The following CPS1 variants were observed in gnomAD, a reference collection of about 807,000 sequenced individuals.
The protein encoded by CPS1 is carbamoyl-phosphate synthase [ammonia], mitochondrial.
CPS1 carries 109 observed loss-of-function variants against 174.6 expected under a neutral mutation model. The observed-to-expected ratio is 0.62, with a 90% CI of 0.53 to 0.73. CPS1 has a LOEUF of 0.73. Among genes scored for constraint, CPS1 ranks in the 30% least tolerant of loss-of-function variants. The pLI is 0.00. For missense variants in CPS1, 1,689 were observed against 1,821.9 expected, an observed-to-expected ratio of 0.93 and a Z score of 1.33; for synonymous variants, 637 against 632.0, an observed-to-expected ratio of 1.01 and a Z score of -0.12.
At chr2:210,541,812 A>T (rs1218762860) in intron 1 of CPS1, among the ~76,000 whole-genome samples, 1 of 152,160 alleles carries the variant, frequency 6.6e-6, no homozygotes, top group African/African-American at 2.4e-5. Context: ...TTTTACAAAG[A>T]TAATTCATGT....
At chr2:210,602,584 A>G (rs1698766153) in intron 16 of CPS1, among the ~76,000 whole-genome samples, 1 of 151,970 alleles carries the variant, frequency 6.6e-6, no homozygotes, top group Non-Finnish European at 1.5e-5. Context: ...CCACTTTTAT[A>G]GTACAATCTA....
Position 210,599,507 on chromosome 2 carries a change from G to C in CPS1, c.1495G>C (p.Glu499Gln), listed in dbSNP as rs749419701. The change falls in exon 14 of 38, where the codon GAA becomes CAA. Residue 499 changes from glutamate (E) to glutamine (Q), a missense_variant. By Grantham distance (29) the Glu-to-Gln change is conservative (BLOSUM62 2). Coordinates refer to ENST00000233072, the MANE Select transcript of CPS1 (RefSeq NM_001875.5). ...PQFVTEVIKA[E>Q]QPDGLILGMG... ...GTTTGTCACAGAGGTCATCAAGGCA[G>C]AACAGCCAGATGGGTTAATTCTGGG... 1 of 1,612,586 alleles carries C rather than the reference G, an allele frequency of 6.2e-7. No homozygotes were observed. Among genetic ancestry groups the C allele is most frequent in the Non-Finnish European group, 8.5e-7 (1 of 1,179,066 alleles).
At chr2:210,495,667 T>G (rs781539275) in intron 1 of CPS1, among the ~76,000 whole-genome samples, 2 of 152,210 alleles carry the variant, frequency 1.3e-5, no homozygotes, top group African/African-American at 2.4e-5. Context: ...TGTTTCTGTC[T>G]TGCATATTTA....
intron 5 of CPS1, 99 bp downstream of exon 5, chr2:210,579,869 T>A (rs960935095): frequency 4.5e-5 from 43 of 958,326 alleles, no homozygotes; most frequent in Non-Finnish European, 6.9e-5. Flanking sequence ...TCCATTAATA[T>A]GTAAAGGAGT....
chr2:210,619,426 CT>C (rs1297165825), intron 21 of CPS1: 1 of 151,880 alleles, frequency 6.6e-6, no homozygotes, highest in Non-Finnish European at 1.5e-5. Context: ...CTCTTTTCCC[CT>C]GAAAATAAAA....
chr2:210,489,930 G>A (rs6726289), intron 1 of CPS1, among the ~76,000 whole-genome samples: 31,402 of 149,848 alleles, frequency 0.21, 3,923 homozygotes, highest in African/African-American at 0.33. Flanking sequence ...CCCGGGAGGC[G>A]GAGCTTGCAG....
chr2:210,535,882 C>T (rs1053005107), intron 1 of CPS1, among the ~76,000 whole-genome samples: 18 of 132,366 alleles, frequency 1.4e-4, no homozygotes, highest in African/African-American at 4.5e-4. Context: ...TAAAGTTCTA[C>T]GCAGCATAAC....
At chr2:210,645,899 A>T (rs1389761287) in intron 25 of CPS1, among the ~76,000 whole-genome samples, 1 of 152,214 alleles carries the variant, frequency 6.6e-6, no homozygotes, top group Non-Finnish European at 1.5e-5. Context: ...GTCAAAACAG[A>T]TAGTCCAGGA....
chr2:210,559,937 T>A (rs904171586), intron 1 of CPS1, among the ~76,000 whole-genome samples: 1 of 152,098 alleles, frequency 6.6e-6, no homozygotes, highest in South Asian at 2.1e-4. Flanking sequence ...TAAAAAAAAA[T>A]TCCATTCTAT....
chr2:210,579,603 G>T (rs1684252201), intron 4 of CPS1, 111 bp from the exon 5 acceptor site: 1 of 831,702 alleles, frequency 1.2e-6, no homozygotes, highest in Admixed American at 1.8e-5. Flanking sequence ...AAAGAGTGGA[G>T]AAATTATTTA....
intron 25 of CPS1, among the ~76,000 whole-genome samples, chr2:210,646,718 G>C (rs953969171): frequency 1.3e-5 from 2 of 152,044 alleles, no homozygotes; most frequent in Non-Finnish European, 2.9e-5. Flanking sequence ...TGTTTAGGCA[G>C]GTATTATCCT....
chr2:210,507,801 A>G (rs1695331880), intron 1 of CPS1, among the ~76,000 whole-genome samples: 1 of 152,228 alleles, frequency 6.6e-6, no homozygotes, highest in African/African-American at 2.4e-5. Context: ...ATGATGGTAA[A>G]GGGATCAATG....
intron 1 of CPS1, among the ~76,000 whole-genome samples, chr2:210,479,183 C>T (rs1036985954): frequency 1.3e-5 from 2 of 152,244 alleles, no homozygotes; most frequent in Admixed American, 1.3e-4. Context: ...CTGATTCCAT[C>T]TGAGGCCTGT....
rs182754041 is a variant in CPS1, at chr2:210,512,475, A to G, written c.3+34709A>G. ...GCAGTATTTGGTTTTTTGTTCCTGC[A>G]TTAATTCATTTAGGATAATGGCCTC... On this transcript the variant is annotated intron_variant, in intron 1 of 38. Transcript: ENST00000430249. Among the ~76,000 whole-genome samples, 4 of 151,842 alleles carry G rather than the reference A, an allele frequency of 2.6e-5. No individual in the cohort carries two copies. The Admixed American group carries it at 2.6e-4, about 10-fold the overall frequency.
intron 1 of CPS1, among the ~76,000 whole-genome samples, chr2:210,499,512 G>T (rs1028221403): frequency 6.6e-6 from 1 of 152,114 alleles, no homozygotes; most frequent in African/African-American, 2.4e-5. Context: ...TCCAATCTCT[G>T]GCCCAAGACA....
chr2:210,582,759 C>A (rs749464501), intron 6 of CPS1, 50 bp downstream of exon 6: 3 of 1,361,172 alleles, frequency 2.2e-6, no homozygotes, highest in Admixed American at 1.7e-5. Context: ...CCCATTTAGA[C>A]CTTCTTGAAA....
chr2:210,582,903 C>A (rs1390078410), intron 6 of CPS1, among the ~76,000 whole-genome samples, 194 bp downstream of exon 6: 3 of 152,110 alleles, frequency 2.0e-5, no homozygotes, highest in Admixed American at 2.0e-4. Context: ...TACAGGCTTA[C>A]ATGGGAAACT....
intron 5 of CPS1, among the ~76,000 whole-genome samples, chr2:210,580,636 C>T (rs529992959): frequency 5.3e-5 from 8 of 151,854 alleles, no homozygotes; most frequent in East Asian, 1.9e-4. Flanking sequence ...CTGAGGCAAA[C>T]GGATCACTTG....
In CPS1 at chr2:210,663,121, A is replaced by G; in HGVS notation, c.3928-2A>G. 2 of 1,611,646 alleles carry G rather than the reference A, an allele frequency of 1.2e-6. No homozygotes were observed. Among genetic ancestry groups the G allele is most frequent in the Non-Finnish European group, 1.7e-6 (2 of 1,179,268 alleles). ...TCTCCCTGTTTTTTTTTTTTCCAAC[A>G]GGCTCCCATGTTTTCCTGGCCCCGG... On this transcript the variant is annotated splice_acceptor_variant, in intron 32 of 37. Transcript: ENST00000233072. LOFTEE classifies it high-confidence loss of function.
Sources: allele counts gnomAD v4.1 joint callset (sites outside exome capture counted in the v4.1 genomes callset), GRCh38; gene constraint gnomAD v4.1.1; transcripts MANE v1.5; gene names NCBI Gene and HGNC (gene_info 2026-07-23, HGNC 2026-07-21).